Variants in PRKN observed in about 807,000 individuals in gnomAD.
The protein encoded by PRKN is parkin RBR E3 ubiquitin protein ligase.
In PRKN, 56 loss-of-function variants were observed where a neutral mutation model predicts 59.5. That is an observed-to-expected ratio of 0.94 (90% CI 0.76 to 1.18). The LOEUF is 1.18. Among genes scored for constraint, PRKN ranks in the 50% most tolerant of loss-of-function variants. The pLI, the probability that PRKN is intolerant of heterozygous loss-of-function variation, is 0.00. For synonymous variants in PRKN, 250 were observed against 222.1 expected (o/e 1.13, Z -1.12); for missense variants, 657 against 596.4 (o/e 1.10, Z -1.06).
chr6:161,883,049 A>T (rs1795001279), intron 6 of PRKN, among the ~76,000 whole-genome samples: 1 of 151,886 alleles, frequency 6.6e-6, no homozygotes, highest in Non-Finnish European at 1.5e-5. Flanking sequence ...AAACCAAAAA[A>T]ACTCCAGGTA....
At chr6:161,651,016 T>C (rs1186812127) in intron 7 of PRKN, among the ~76,000 whole-genome samples, 1 of 152,238 alleles carries the variant, frequency 6.6e-6, no homozygotes, top group Non-Finnish European at 1.5e-5. Context: ...AATATGCACT[T>C]TTGTTAAATT....
chr6:162,586,321 T>C (rs986763711), intron 1 of PRKN, among the ~76,000 whole-genome samples: 5 of 152,204 alleles, frequency 3.3e-5, no homozygotes, highest in African/African-American at 1.2e-4. Context: ...ATCTCCGAAG[T>C]TATTGTGTTT....
At position 162,332,672 on chromosome 6, in the gene PRKN, T is replaced by A. The variant is rs551169801; in HGVS notation, c.172-69907A>T. Among the ~76,000 whole-genome samples the A allele has an allele frequency of 7.2e-5, 11 of 152,272 alleles. No individual in the cohort carries two copies. The South Asian group carries it at 2.3e-3, about 32-fold the overall frequency. On this transcript the variant is annotated intron_variant, in intron 2 of 11. Transcript: ENST00000366898. Reference sequence around the variant, plus strand: ...ATGGCTTCTTTATCCCAGAAATTTATCATAATAAATAACCAATAGCAAATC... The same window carrying A: ...ATGGCTTCTTTATCCCAGAAATTTAACATAATAAATAACCAATAGCAAATC...
chr6:161,598,331 T>C (rs76641788), intron 7 of PRKN, among the ~76,000 whole-genome samples: 6,211 of 152,230 alleles, frequency 0.041, 445 homozygotes, highest in African/African-American at 0.14. Flanking sequence ...AGCTCTATAT[T>C]GAGAAACATT....
chr6:161,499,029 T>C lies in PRKN; in HGVS notation c.1083+49825A>G, dbSNP rs768811716. Among the ~76,000 whole-genome samples the C allele has an allele frequency of 1.3e-5, 2 of 152,022 alleles. No homozygotes were observed. The highest frequency in any genetic ancestry group is 2.9e-5 in the Non-Finnish European group (2 of 68,028). On this transcript the variant is annotated intron_variant, in intron 9 of 11. Transcript: ENST00000366898. This position sits in a 1 kb window ranked among gnomAD's most constrained non-coding sequence, Gnocchi z 4.2. ...TCCGCACATTTCTCAGAACTCAGGC[T>C]GAAACCCTGTGATCTAGTCCAAACC...
intron 1 of PRKN, among the ~76,000 whole-genome samples, chr6:162,723,520 T>A (rs911127236): frequency 1.3e-5 from 2 of 151,982 alleles, no homozygotes; most frequent in African/African-American, 4.8e-5. Context: ...GAAAGCTGAG[T>A]CAGTCTCAGG....
At chr6:162,223,660 CA>C (rs11309791) in intron 3 of PRKN, among the ~76,000 whole-genome samples, 16,624 of 75,650 alleles carry the variant, frequency 0.22, 1,099 homozygotes, top group East Asian at 0.48. Context: ...CACACACACA[CA>C]AACATAATGC....
chr6:162,100,593 C>G (rs1415152354), intron 4 of PRKN, among the ~76,000 whole-genome samples: 1 of 105,000 alleles, frequency 9.5e-6, no homozygotes, highest in Non-Finnish European at 2.3e-5. Context: ...AGGCACCCAC[C>G]ACCACACCTA....
At chr6:162,658,026 T>C (rs1778716244) in intron 1 of PRKN, among the ~76,000 whole-genome samples, 1 of 152,220 alleles carries the variant, frequency 6.6e-6, no homozygotes, top group Non-Finnish European at 1.5e-5. Flanking sequence ...GAGTCATTTA[T>C]GACAAGGCAT....
chr6:162,295,054 T>C (rs1781603529), intron 2 of PRKN, among the ~76,000 whole-genome samples: 1 of 152,214 alleles, frequency 6.6e-6, no homozygotes, highest in Non-Finnish European at 1.5e-5. Context: ...GTTCAGCCAA[T>C]ATGCAGCTCA....
In PRKN at chr6:162,205,971, A is replaced by C. The variant is rs942892327; in HGVS notation, c.413-4719T>G. ...TCTTCAACTGACAACGCGGAGACTC[A>C]CTGGGCAGTGAAACAGCTTGTTTTA... On this transcript the variant is annotated intron_variant, in intron 3 of 11. Transcript: ENST00000366898. Among the ~76,000 whole-genome samples the C allele has an allele frequency of 3.3e-5, 5 of 152,184 alleles. No individual in the cohort carries two copies. The East Asian group carries it at 9.6e-4, about 29-fold the overall frequency.
In PRKN at chr6:162,209,744, T is replaced by C. The variant is rs552387638; in HGVS notation, c.413-8492A>G. Among the ~76,000 whole-genome samples, 14 of 152,290 alleles carry C rather than the reference T, an allele frequency of 9.2e-5. No individual in the cohort carries two copies. In the East Asian group the frequency reaches 1.7e-3, roughly 19 times the overall value. On this transcript the variant is annotated intron_variant, in intron 3 of 11. Coordinates refer to ENST00000366898, the MANE Select transcript of PRKN (RefSeq NM_004562.3). ...AATGATAGACTGGATTAAGAAAATG[T>C]GGCACATATACACCGTGGAATACTA...
chr6:162,134,165 G>A (rs1234509233), intron 4 of PRKN, among the ~76,000 whole-genome samples: 4 of 152,124 alleles, frequency 2.6e-5, no homozygotes, highest in Non-Finnish European at 5.9e-5. Context: ...CATGGTCCAA[G>A]ACAGCATGGG....
At chr6:161,821,329 C>T (rs1000728296) in intron 6 of PRKN, among the ~76,000 whole-genome samples, 30 of 152,158 alleles carry the variant, frequency 2.0e-4, no homozygotes, top group Non-Finnish European at 3.5e-4. Context: ...CTGTGCATAT[C>T]GATCCATCTT....
intron 1 of PRKN, among the ~76,000 whole-genome samples, chr6:162,663,009 A>G (rs1262064922): frequency 6.6e-6 from 1 of 152,206 alleles, no homozygotes; most frequent in African/African-American, 2.4e-5. Context: ...AGGGGGAAGC[A>G]TCTTGCACTG....
intron 6 of PRKN, among the ~76,000 whole-genome samples, chr6:161,972,885 T>G (rs1780877088): frequency 6.6e-6 from 1 of 152,112 alleles, no homozygotes; most frequent in African/African-American, 2.4e-5. Context: ...TACAAAAAAT[T>G]AGCTGGGTGT....
At chr6:161,478,817 A>G (rs1227050821) in intron 9 of PRKN, among the ~76,000 whole-genome samples, 1 of 152,236 alleles carries the variant, frequency 6.6e-6, no homozygotes, top group Non-Finnish European at 1.5e-5. Flanking sequence ...CTGTACTCCC[A>G]GCCTGAGTGA....
At chr6:162,535,872 C>T (rs1006956348) in intron 1 of PRKN, among the ~76,000 whole-genome samples, 4 of 150,142 alleles carry the variant, frequency 2.7e-5, no homozygotes, top group East Asian at 2.0e-4. Flanking sequence ...CGCACCACTG[C>T]ACTCCAACCT....
intron 1 of PRKN, among the ~76,000 whole-genome samples, chr6:162,575,783 T>A (rs1292870801): frequency 6.6e-6 from 1 of 152,214 alleles, no homozygotes; most frequent in Non-Finnish European, 1.5e-5. Context: ...ACACTATTTG[T>A]ATTATAAATA....
Sources: allele counts gnomAD v4.1 joint callset (sites outside exome capture counted in the v4.1 genomes callset), GRCh38; gene constraint gnomAD v4.1.1; non-coding constraint Gnocchi (gnomAD v3.1); transcripts MANE v1.5; gene names NCBI Gene and HGNC (gene_info 2026-07-23, HGNC 2026-07-21).